WNT7A: variants seen among roughly 807,000 people sequenced by gnomAD.
WNT7A encodes Wnt family member 7A.
WNT7A carries 16 observed loss-of-function variants against 28.2 expected under a neutral mutation model. The ratio of observed to expected loss-of-function variants is 0.57; its 90% CI spans 0.38 to 0.86. The LOEUF (loss-of-function observed/expected upper bound fraction) is 0.86, where lower values mean the gene tolerates loss of function less well. Ranked by LOEUF, WNT7A falls within the 40% of genes least tolerant of loss-of-function variation. WNT7A has a pLI of 0.00. For missense variants in WNT7A, 411 were observed against 489.7 expected (o/e 0.84, Z 1.52); for synonymous variants, 190 against 195.9 (o/e 0.97, Z 0.25).
At position 13,862,120 on chromosome 3, in the gene WNT7A, T is replaced by C. The variant is rs1694840665; in HGVS notation, c.299-7317A>G. 1.3e-5 allele frequency among the ~76,000 whole-genome samples: 2 copies of C among 152,208 alleles called. 1 individual carries two copies. The highest frequency in any genetic ancestry group is 1.3e-4 in the Admixed American group (2 of 15,288). ...TCCCCATCTGTGAAGTGGGAACCCT[T>C]AGGAGGACATTGCCAAGTTGTGAAA... On this transcript the variant is annotated intron_variant, in intron 2 of 3. Coordinates refer to ENST00000285018, the MANE Select transcript of WNT7A (RefSeq NM_004625.4).
chr3:13,824,011 C>G (rs1007646343), intron 3 of WNT7A, among the ~76,000 whole-genome samples: 1 of 152,192 alleles, frequency 6.6e-6, no homozygotes. Context: ...GTAGCCAGCC[C>G]CAGGGTGCTG....
intron 3 of WNT7A, among the ~76,000 whole-genome samples, chr3:13,845,834 C>T (rs1170368096): frequency 6.6e-6 from 1 of 152,216 alleles, no homozygotes; most frequent in Non-Finnish European, 1.5e-5. Flanking sequence ...TGAGAGACAC[C>T]GAGGCGAGTC....
intron 3 of WNT7A, among the ~76,000 whole-genome samples, chr3:13,825,574 C>A (rs1694180817): frequency 6.6e-6 from 1 of 152,210 alleles, no homozygotes; most frequent in African/African-American, 2.4e-5. Flanking sequence ...ATTGACAAAT[C>A]CTGAATATTT....
chr3:13,848,893 C>T lies in WNT7A; in HGVS notation c.570+5639G>A, dbSNP rs76957753. Among the ~76,000 whole-genome samples, 1,075 of 152,236 alleles carry T rather than the reference C, an allele frequency of 7.1e-3. 8 individuals are homozygous for T. The highest frequency in any genetic ancestry group is 0.012 in the Non-Finnish European group (818 of 68,028). ...CAAAACAAACTGTGGAGACTCTGTG[C>T]CCTGGAATACTACTCAGCAAGGTAA... On this transcript the variant is annotated intron_variant, in intron 3 of 3. Transcript: ENST00000285018.
intron 1 of WNT7A, among the ~76,000 whole-genome samples, chr3:13,877,600 T>G (rs1373840887): frequency 1.3e-5 from 2 of 152,186 alleles, no homozygotes; most frequent in African/African-American, 4.8e-5. Flanking sequence ...TCATCCAAGC[T>G]TCCTTCACTT....
chr3:13,867,276 G>A lies in WNT7A; in HGVS notation c.298+7671C>T, dbSNP rs188271283. Among the ~76,000 whole-genome samples, 336 of 152,254 alleles carry A rather than the reference G, an allele frequency of 2.2e-3. 1 individual carries two copies. The highest frequency in any genetic ancestry group is 7.7e-3 in the African/African-American group (321 of 41,540). The stretch of plus-strand genomic sequence containing the variant: ...AGGGTGGGGCTGGGATGCAAACCCG[G>A]CCATGTGACTCTGATTTCAGTACTC... On this transcript the variant is annotated intron_variant, in intron 2 of 3. Coordinates refer to ENST00000285018, the MANE Select transcript of WNT7A (RefSeq NM_004625.4).
chr3:13,841,936 G>C (rs1460333917), intron 3 of WNT7A, among the ~76,000 whole-genome samples: 1 of 152,190 alleles, frequency 6.6e-6, no homozygotes, highest in African/African-American at 2.4e-5. Flanking sequence ...GGAGGTGAGA[G>C]GGTAAGTGTC....
At chr3:13,867,712 T>C (rs1694933408) in intron 2 of WNT7A, among the ~76,000 whole-genome samples, 1 of 152,178 alleles carries the variant, frequency 6.6e-6, no homozygotes, top group South Asian at 2.1e-4. Context: ...CTGGTTTCCC[T>C]GCACTGTGAC....
At chr3:13,858,121 C>T (rs1472331386) in intron 2 of WNT7A, among the ~76,000 whole-genome samples, 9 of 152,174 alleles carry the variant, frequency 5.9e-5, no homozygotes, top group East Asian at 3.9e-4. Flanking sequence ...GCTGCAGACC[C>T]GGCCTCTGGG....
intron 3 of WNT7A, among the ~76,000 whole-genome samples, chr3:13,832,436 TCAAGCTTCTCCTTCTTCC>T (rs1042878727): frequency 6.6e-6 from 1 of 150,834 alleles, no homozygotes; most frequent in Non-Finnish European, 1.5e-5. Context: ...CTCCTCTTTC[TCAAGCTTCTCCTTCTTCC>T]CAAGCTTCTC....
At chr3:13,864,085 A>C (rs1694873869) in intron 2 of WNT7A, among the ~76,000 whole-genome samples, 1 of 152,182 alleles carries the variant, frequency 6.6e-6, no homozygotes, top group Admixed American at 6.5e-5. Flanking sequence ...GGGGGGTACC[A>C]AACAGGAGGT....
At chr3:13,821,521 A>G (rs1694109368) in intron 3 of WNT7A, among the ~76,000 whole-genome samples, 1 of 152,234 alleles carries the variant, frequency 6.6e-6, no homozygotes, top group South Asian at 2.1e-4. Context: ...GGCACCATCC[A>G]GATGACCATC....
intron 2 of WNT7A, among the ~76,000 whole-genome samples, chr3:13,862,344 C>T (rs1158806725): frequency 6.6e-6 from 1 of 152,212 alleles, no homozygotes; most frequent in Non-Finnish European, 1.5e-5. Flanking sequence ...CATTCCACCG[C>T]CCTGTGTAGC....
chr3:13,827,266 C>T (rs6803033), intron 3 of WNT7A, among the ~76,000 whole-genome samples: 24,808 of 152,228 alleles, frequency 0.16, 2,601 homozygotes, highest in South Asian at 0.31. Flanking sequence ...TGTATGTAAG[C>T]AGCAGCTGGG....
chr3:13,843,051 T>G (rs1361046055), intron 3 of WNT7A, among the ~76,000 whole-genome samples: 3 of 152,190 alleles, frequency 2.0e-5, no homozygotes, highest in Non-Finnish European at 4.4e-5. Flanking sequence ...TTGCCATGGC[T>G]TGGTGTCCTG....
At chr3:13,868,998 G>A (rs1356388257) in intron 2 of WNT7A, among the ~76,000 whole-genome samples, 1 of 148,690 alleles carries the variant, frequency 6.7e-6, no homozygotes, top group African/African-American at 2.5e-5. Flanking sequence ...AAAAGAGAAA[G>A]AGAGAAAGAA....
At chr3:13,864,309 A>G (rs2124869483) in intron 2 of WNT7A, among the ~76,000 whole-genome samples, 1 of 152,124 alleles carries the variant, frequency 6.6e-6, no homozygotes, top group East Asian at 1.9e-4. Flanking sequence ...ACCCTGCAGG[A>G]TGCCTGGTCC....
At chr3:13,876,482 G>T (rs1333957548) in intron 1 of WNT7A, among the ~76,000 whole-genome samples, 1 of 152,228 alleles carries the variant, frequency 6.6e-6, no homozygotes, top group Non-Finnish European at 1.5e-5. Context: ...GGCAGGTTAG[G>T]GTTGGTGGTG....
At chr3:13,868,834 AAG>A (rs1212402385) in intron 2 of WNT7A, among the ~76,000 whole-genome samples, 3 of 53,470 alleles carry the variant, frequency 5.6e-5, no homozygotes, top group Non-Finnish European at 8.5e-5. Context: ...GAAAGAGAGA[AAG>A]AGAGAGAGAA....
Sources: allele counts gnomAD v4.1 joint callset (sites outside exome capture counted in the v4.1 genomes callset), GRCh38; gene constraint gnomAD v4.1.1; transcripts MANE v1.5; gene names NCBI Gene and HGNC (gene_info 2026-07-23, HGNC 2026-07-21).